Variants in PIGU observed in about 807,000 individuals in gnomAD.
The protein encoded by PIGU is GPI-anchor transamidase component PIGU.
PIGU carries 24 observed loss-of-function variants against 49.9 expected under a neutral mutation model. The ratio of observed to expected loss-of-function variants is 0.48; its 90% CI spans 0.35 to 0.68. The LOEUF (loss-of-function observed/expected upper bound fraction) is 0.68. Among genes scored for constraint, PIGU ranks in the 30% least tolerant of loss-of-function variants. The probability of loss-of-function intolerance (pLI) is 0.01; values close to 1 mark genes in which losing one functional copy is unlikely to be tolerated. For missense variants in PIGU, 490 were observed against 532.6 expected, an observed-to-expected ratio of 0.92 and a Z score of 0.79; for synonymous variants, 220 against 205.7, an observed-to-expected ratio of 1.07 and a Z score of -0.59.
At chr20:34,578,584 ACG>A (rs1200740586) in intron 10 of PIGU, among the ~76,000 whole-genome samples, 1 of 152,234 alleles carries the variant, frequency 6.6e-6, no homozygotes, top group Non-Finnish European at 1.5e-5. Flanking sequence ...GTGCAAAGAG[ACG>A]AGAGAAGCTC....
chr20:34,666,863 A>AT (rs375772500), intron 1 of PIGU, among the ~76,000 whole-genome samples: 27 of 151,378 alleles, frequency 1.8e-4, no homozygotes, highest in African/African-American at 4.6e-4. Context: ...CGCCAGGCTA[A>AT]TTTTTTTTGT....
chr20:34,630,043 G>C (rs1985645090), intron 6 of PIGU, among the ~76,000 whole-genome samples: 1 of 152,154 alleles, frequency 6.6e-6, no homozygotes, highest in African/African-American at 2.4e-5. Context: ...CAGAACTTCT[G>C]AGAAATTCAG....
chr20:34,601,183 CT>C (rs1335460642), intron 7 of PIGU, among the ~76,000 whole-genome samples: 3 of 152,126 alleles, frequency 2.0e-5, no homozygotes, highest in African/African-American at 7.2e-5. Flanking sequence ...ACCTAAAGTG[CT>C]CTCAGTGTTA....
intron 1 of PIGU, among the ~76,000 whole-genome samples, chr20:34,660,048 T>TTAAAAA (rs1555803431): frequency 8.8e-4 from 36 of 40,876 alleles, no homozygotes; most frequent in East Asian, 2.4e-3. Flanking sequence ...GAATGATCAA[T>TTAAAAA]AAAAAAAAAA....
chr20:34,595,718 C>G (rs1280306704), intron 7 of PIGU, among the ~76,000 whole-genome samples: 2 of 152,102 alleles, frequency 1.3e-5, no homozygotes, highest in African/African-American at 4.8e-5. Flanking sequence ...AATATAAACC[C>G]TAACAAATGA....
intron 2 of PIGU, among the ~76,000 whole-genome samples, chr20:34,649,659 C>T (rs756035378): frequency 6.0e-5 from 9 of 150,592 alleles, no homozygotes; most frequent in East Asian, 2.0e-4. Flanking sequence ...CTCAGCCTCC[C>T]GAGTAGCTGG....
chr20:34,635,472 G>T (rs1450266300), intron 5 of PIGU, among the ~76,000 whole-genome samples: 2 of 152,230 alleles, frequency 1.3e-5, no homozygotes, highest in Non-Finnish European at 2.9e-5. Context: ...GGGAAGGAAT[G>T]AACTGAGAAA....
intron 6 of PIGU, among the ~76,000 whole-genome samples, chr20:34,626,548 C>G (rs143945174): frequency 0.012 from 1,810 of 152,250 alleles, 47 homozygotes; most frequent in African/African-American, 0.042. Context: ...GGTGATCCAC[C>G]TGCCTCGGCA....
chr20:34,566,166 G>C (rs1406386809), intron 11 of PIGU, among the ~76,000 whole-genome samples: 1 of 152,202 alleles, frequency 6.6e-6, no homozygotes, highest in Non-Finnish European at 1.5e-5. Flanking sequence ...CAGCGCTGCA[G>C]CTCCCACCTA....
chr20:34,589,219 A>G (rs1355766729), intron 7 of PIGU, among the ~76,000 whole-genome samples: 2 of 152,158 alleles, frequency 1.3e-5, no homozygotes, highest in Non-Finnish European at 2.9e-5. Flanking sequence ...GCCTCCTGGG[A>G]ACCAGAGAGG....
chr20:34,588,874 C>A (rs746774946), intron 7 of PIGU, among the ~76,000 whole-genome samples: 10 of 152,034 alleles, frequency 6.6e-5, no homozygotes, highest in Non-Finnish European at 1.3e-4. Context: ...ATTCATTGCA[C>A]CATTGTTTGG....
chr20:34,637,296 A>G (rs965319667), intron 5 of PIGU, among the ~76,000 whole-genome samples: 2 of 152,242 alleles, frequency 1.3e-5, no homozygotes, highest in Admixed American at 1.3e-4. Context: ...TAGTGGATTG[A>G]ATAATTATTC....
Position 34,677,073 on chromosome 20 carries a change from A to G in PIGU, c.13T>C (p.Leu5=). 6.4e-7 allele frequency: 1 copy of G among 1,564,010 alleles called. No individual in the cohort carries two copies. MAAP[L]VLVLVVAVTV... ...ACAGCCACCACCAGCACCAGGACCA[A>G]GGGAGCCGCCATGATAACTGGGGCG... Residue 5 remains leucine (L), a synonymous_variant, in exon 1 of 12, where the codon TTG becomes CTG. Transcript: ENST00000217446.
intron 4 of PIGU, 163 bp downstream of exon 4, chr20:34,644,000 GT>G: frequency 1.8e-6 from 1 of 556,146 alleles, no homozygotes; most frequent in East Asian, 3.1e-5. Flanking sequence ...TGTCTTGTGG[GT>G]TTGGGGTTGA....
At chr20:34,663,561 T>A (rs1254615011) in intron 1 of PIGU, among the ~76,000 whole-genome samples, 1 of 152,136 alleles carries the variant, frequency 6.6e-6, no homozygotes, top group Non-Finnish European at 1.5e-5. Flanking sequence ...ACTTTAAACT[T>A]TATAAGACTA....
intron 7 of PIGU, among the ~76,000 whole-genome samples, chr20:34,589,443 T>A (rs1568628575): frequency 1.3e-5 from 2 of 152,110 alleles, no homozygotes; most frequent in African/African-American, 2.4e-5. Flanking sequence ...AACCTCTGCC[T>A]CCAGGTTCAA....
At chr20:34,609,434 G>T (rs750821427) in intron 7 of PIGU, among the ~76,000 whole-genome samples, 1 of 151,296 alleles carries the variant, frequency 6.6e-6, no homozygotes, top group Non-Finnish European at 1.5e-5. Flanking sequence ...GCGCAATCTC[G>T]GCTCACTGCA....
intron 3 of PIGU, 87 bp from the exon 4 acceptor site, chr20:34,644,313 A>G: frequency 9.3e-7 from 1 of 1,080,694 alleles, no homozygotes; most frequent in Non-Finnish European, 1.4e-6. Flanking sequence ...GTTTTGAGAT[A>G]GTGATGGACT....
Position 34,651,496 on chromosome 20 carries a change from GTACTTTCCAATGC to G in PIGU, c.195+5671_195+5683del, listed in dbSNP as rs1424303000. 3.3e-5 allele frequency among the ~76,000 whole-genome samples: 5 copies of G among 152,100 alleles called. No homozygotes were observed. The East Asian group carries it at 9.6e-4, about 29-fold the overall frequency. On this transcript the variant is annotated intron_variant, in intron 2 of 11. Transcript: ENST00000217446. Reference sequence around the variant, plus strand: ...AATCCCTGGAGTCCTGCTTATCTTGGTACTTTCCAATGCCTTCCAGCAGATGTGGTTTTTTTTT... The same window carrying G: ...AATCCCTGGAGTCCTGCTTATCTTGGCTTCCAGCAGATGTGGTTTTTTTTT...
Sources: gnomAD v4.1 joint callset for allele counts (sites outside exome capture counted in the v4.1 genomes callset) on GRCh38, gnomAD v4.1.1 for gene constraint, MANE v1.5 for transcripts, NCBI Gene and HGNC (gene_info 2026-07-23, HGNC 2026-07-21) for gene names.